FILIP1: variants seen among roughly 807,000 people sequenced by gnomAD.
FILIP1 encodes filamin-A-interacting protein 1.
FILIP1 carries 61 observed loss-of-function variants against 102.1 expected under a neutral mutation model. That is an observed-to-expected ratio of 0.60 (90% CI 0.49 to 0.74). FILIP1 has a LOEUF of 0.74. Ranked by LOEUF, FILIP1 falls within the 30% of genes least tolerant of loss-of-function variation. The probability of loss-of-function intolerance (pLI) is 0.00; values close to 1 mark genes in which losing one functional copy is unlikely to be tolerated. For missense variants in FILIP1, 1,314 were observed against 1,441.2 expected, an observed-to-expected ratio of 0.91 and a Z score of 1.43; for synonymous variants, 491 against 526.9, an observed-to-expected ratio of 0.93 and a Z score of 0.93.
chr6:75,330,318 C>A (rs548441816), intron 4 of FILIP1, among the ~76,000 whole-genome samples: 3 of 152,138 alleles, frequency 2.0e-5, no homozygotes, highest in African/African-American at 7.2e-5. Context: ...GAATCCTTCC[C>A]AATAGGACAA....
At chr6:75,310,154 G>A (rs764657027) in intron 5 of FILIP1, among the ~76,000 whole-genome samples, 22 of 152,192 alleles carry the variant, frequency 1.4e-4, no homozygotes, top group Non-Finnish European at 2.9e-4. Context: ...CCCCAAGCAC[G>A]CCAGGCTCCT....
intron 2 of FILIP1, among the ~76,000 whole-genome samples, chr6:75,395,607 C>G (rs1776434332): frequency 6.6e-6 from 1 of 152,114 alleles, no homozygotes; most frequent in African/African-American, 2.4e-5. Flanking sequence ...AACTTTACCC[C>G]TAGAATTCTA....
intron 4 of FILIP1, among the ~76,000 whole-genome samples, chr6:75,330,658 C>T (rs1774049396): frequency 6.6e-6 from 1 of 152,130 alleles, no homozygotes; most frequent in South Asian, 2.1e-4. Flanking sequence ...ATTATACATC[C>T]TATAAATTTT....
chr6:75,342,852 A>T (rs1054533712), intron 4 of FILIP1, among the ~76,000 whole-genome samples: 8 of 152,184 alleles, frequency 5.3e-5, no homozygotes, highest in Non-Finnish European at 1.2e-4. Context: ...GAGTGGCAGG[A>T]AACTGAGGCT....
chr6:75,291,991 A>C (rs1015257673), exon 7 of FILIP1: 1 of 152,242 alleles, frequency 6.6e-6, no homozygotes, highest in Non-Finnish European at 1.5e-5. Context: ...TGGAAGTAAC[A>C]GAGAATGTTT....
intron 1 of FILIP1, among the ~76,000 whole-genome samples, chr6:75,450,615 G>A (rs1778594919): frequency 6.7e-6 from 1 of 148,640 alleles, no homozygotes. Flanking sequence ...CTGCACTCCA[G>A]CCTGGGGAAC....
chr6:75,440,553 C>G (rs1268784809), intron 1 of FILIP1, among the ~76,000 whole-genome samples: 1 of 152,238 alleles, frequency 6.6e-6, no homozygotes, highest in African/African-American at 2.4e-5. Flanking sequence ...GATTGACTTC[C>G]TGTGTTCAAG....
In FILIP1 at chr6:75,312,778, T is replaced by C. The variant is rs749891762; in HGVS notation, c.3054A>G (p.Pro1018=). The C allele has an allele frequency of 3.1e-5, 50 of 1,614,116 alleles. No homozygotes were observed. In the Admixed American group the frequency reaches 8.2e-4, roughly 26 times the overall value. Residue 1018 remains proline, a synonymous_variant, in exon 5 of 6, where the codon CCA becomes CCG. Transcript: ENST00000237172. The part of the protein sequence containing the change: ...QIMTVSTSAA[P]AEIAVSPESQ... ...ATTCGGGAGAAACTGCAATCTCAGC[T>C]GGTGCTGCTGATGTAGACACCGTCA... is the stretch of plus-strand genomic sequence containing the variant.
chr6:75,436,390 T>C (rs1250006066), intron 1 of FILIP1, among the ~76,000 whole-genome samples: 1 of 151,340 alleles, frequency 6.6e-6, no homozygotes, highest in African/African-American at 2.4e-5. Flanking sequence ...AAGAAGACAC[T>C]TCTGCAAAAA....
chr6:75,331,177 G>C (rs959320289), intron 4 of FILIP1, among the ~76,000 whole-genome samples: 2 of 152,104 alleles, frequency 1.3e-5, no homozygotes, highest in African/African-American at 2.4e-5. Context: ...TGCTATATAT[G>C]TTGTAAAATA....
At chr6:75,312,021 A>G (rs903927564) in intron 5 of FILIP1, among the ~76,000 whole-genome samples, 5 of 152,154 alleles carry the variant, frequency 3.3e-5, no homozygotes, top group Non-Finnish European at 7.4e-5. Flanking sequence ...GAGCAATTTT[A>G]ATTCTTCCTC....
intron 2 of FILIP1, chr6:75,385,535 T>C (rs1377855005): frequency 6.6e-6 from 1 of 152,190 alleles, no homozygotes; most frequent in Non-Finnish European, 1.5e-5. Flanking sequence ...TTACTGAACT[T>C]AAAATATCTG....
chr6:75,434,369 C>T (rs1211634431), intron 1 of FILIP1, among the ~76,000 whole-genome samples: 1 of 152,162 alleles, frequency 6.6e-6, no homozygotes, highest in Non-Finnish European at 1.5e-5. Context: ...TTTCGTTGAG[C>T]ACTGGTTTGT....
chr6:75,292,359 C>G (rs1420103896), exon 7 of FILIP1: 2 of 152,074 alleles, frequency 1.3e-5, no homozygotes, highest in Non-Finnish European at 2.9e-5. Flanking sequence ...TAAAATTTCC[C>G]TAAATAATAT....
intron 1 of FILIP1, among the ~76,000 whole-genome samples, chr6:75,468,401 T>C (rs1372300813): frequency 6.6e-6 from 1 of 152,218 alleles, no homozygotes; most frequent in Non-Finnish European, 1.5e-5. Flanking sequence ...TTACAAGTCA[T>C]ATCCACAGAG....
intron 2 of FILIP1, among the ~76,000 whole-genome samples, chr6:75,380,744 A>G (rs1351336990): frequency 6.6e-6 from 1 of 152,200 alleles, no homozygotes; most frequent in African/African-American, 2.4e-5. Flanking sequence ...AATATTATAC[A>G]AGGATTAAAA....
chr6:75,339,851 G>C (rs1166945334), intron 4 of FILIP1, among the ~76,000 whole-genome samples: 1 of 152,104 alleles, frequency 6.6e-6, no homozygotes, highest in African/African-American at 2.4e-5. Context: ...AGGAGACTGA[G>C]GCAGGAGAAT....
Position 75,319,126 on chromosome 6 carries a change from T to C in FILIP1, c.630-3924A>G, listed in dbSNP as rs1773550440. On this transcript the variant is annotated intron_variant, in intron 4 of 5. Transcript: ENST00000237172. ...CTCCTCTTCCTTCTTTTTCTTGCTT[T>C]TTTCAGACTTGACAATTCCCTTTTA... 10 of 727,252 alleles carry C rather than the reference T, an allele frequency of 1.4e-5. No individual in the cohort carries two copies. The South Asian group carries it at 1.4e-4, about 10-fold the overall frequency. The allele number at this position is 727,252 out of a possible 1,614,324, so 45.0% of individuals were successfully genotyped here. A position where few individuals can be genotyped will look rare whatever the true frequency, so the allele number is the denominator to read the frequency against.
chr6:75,485,557 C>T (rs1253620202), intron 1 of FILIP1, among the ~76,000 whole-genome samples: 3 of 152,198 alleles, frequency 2.0e-5, no homozygotes, highest in African/African-American at 4.8e-5. Flanking sequence ...TTTCTGGCCA[C>T]TGGCATAAGA....
Sources: gnomAD v4.1 joint callset for allele counts (sites outside exome capture counted in the v4.1 genomes callset) on GRCh38, gnomAD v4.1.1 for gene constraint, MANE v1.5 for transcripts, NCBI Gene and HGNC (gene_info 2026-07-23, HGNC 2026-07-21) for gene names.